Variants in JARID2 observed in about 807,000 individuals in gnomAD.
The protein encoded by JARID2 is protein Jumonji.
In JARID2, 21 loss-of-function variants were observed where a neutral mutation model predicts 125.6. That is an observed-to-expected ratio of 0.17 (90% CI 0.12 to 0.24). The LOEUF (loss-of-function observed/expected upper bound fraction) is 0.24, where lower values mean the gene tolerates loss of function less well. Ranked by LOEUF, JARID2 falls within the 10% of genes least tolerant of loss-of-function variation. The pLI, the probability that JARID2 is intolerant of heterozygous loss-of-function variation, is 1.00. For missense variants in JARID2, 1,303 were observed against 1,639.6 expected (o/e 0.79, Z 3.55); for synonymous variants, 736 against 661.6 (o/e 1.11, Z -1.73).
intron 1 of JARID2, among the ~76,000 whole-genome samples, chr6:15,348,326 G>A (rs541472583): frequency 1.3e-5 from 2 of 152,218 alleles, no homozygotes; most frequent in South Asian, 2.1e-4. Flanking sequence ...TCCTGACCTC[G>A]TGATCAGTCT....
intron 1 of JARID2, among the ~76,000 whole-genome samples, chr6:15,355,796 G>T (rs1385840104): frequency 1.3e-5 from 2 of 152,170 alleles, no homozygotes; most frequent in Non-Finnish European, 2.9e-5. Context: ...ATTTTTAGTA[G>T]AGACGGGTTT....
Position 15,509,668 on chromosome 6 carries a change from G to A in JARID2, c.2846+1214G>A, listed in dbSNP as rs372925099. ...GCCTTTGCCTCCGGAAGAAGAGCGT[G>A]GCCATTTCCTGTGGAGGAGTTACAC... On this transcript the variant is annotated intron_variant, in intron 12 of 17. Coordinates refer to ENST00000341776, the MANE Select transcript of JARID2 (RefSeq NM_004973.4). 7.9e-5 allele frequency among the ~76,000 whole-genome samples: 12 copies of A among 152,346 alleles called. No homozygotes were observed. The East Asian group carries it at 2.3e-3, about 29-fold the overall frequency.
intron 1 of JARID2, among the ~76,000 whole-genome samples, chr6:15,339,290 C>T (rs974167219): frequency 6.6e-5 from 10 of 152,084 alleles, no homozygotes; most frequent in African/African-American, 2.4e-4. Context: ...AGCACACCTC[C>T]CTATCTCCTG....
chr6:15,370,475 C>CT (rs754570004), intron 1 of JARID2, among the ~76,000 whole-genome samples: 2 of 152,004 alleles, frequency 1.3e-5, no homozygotes, highest in South Asian at 4.2e-4. Flanking sequence ...GTAGCTGGTA[C>CT]TACAGGCGCC....
intron 1 of JARID2, among the ~76,000 whole-genome samples, chr6:15,329,879 G>C (rs1762650929): frequency 6.6e-6 from 1 of 152,246 alleles, no homozygotes; most frequent in African/African-American, 2.4e-5. Flanking sequence ...TTGTAGTCCT[G>C]ATGATTTAAA....
At chr6:15,321,948 C>T (rs1243407828) in intron 1 of JARID2, among the ~76,000 whole-genome samples, 1 of 151,756 alleles carries the variant, frequency 6.6e-6, no homozygotes, top group Non-Finnish European at 1.5e-5. Context: ...CCCAGCACTA[C>T]GCCCAGCTAA....
At chr6:15,291,586 G>A (rs1336468355) in intron 1 of JARID2, among the ~76,000 whole-genome samples, 1 of 152,216 alleles carries the variant, frequency 6.6e-6, no homozygotes, top group Non-Finnish European at 1.5e-5. Context: ...GATCCTGCTA[G>A]GCCAGAATCG....
At chr6:15,405,222 A>T (rs1765600384) in intron 2 of JARID2, among the ~76,000 whole-genome samples, 1 of 152,170 alleles carries the variant, frequency 6.6e-6, no homozygotes, top group Non-Finnish European at 1.5e-5. Flanking sequence ...GCTGTTCCAG[A>T]CTCAGAAGCC....
intron 3 of JARID2, among the ~76,000 whole-genome samples, chr6:15,422,708 T>C (rs528480158): frequency 2.6e-5 from 4 of 152,368 alleles, no homozygotes; most frequent in Admixed American, 6.5e-5. Flanking sequence ...CATGGGTGTC[T>C]ACACAATAGA....
At chr6:15,371,327 C>T (rs775938451) in intron 1 of JARID2, among the ~76,000 whole-genome samples, 16 of 152,064 alleles carry the variant, frequency 1.1e-4, no homozygotes, top group Non-Finnish European at 2.1e-4. Flanking sequence ...TATTTTGGGG[C>T]CTTATAATTT....
intron 1 of JARID2, among the ~76,000 whole-genome samples, chr6:15,335,509 C>CTGTTTT (rs1474723385): frequency 6.6e-6 from 1 of 152,192 alleles, no homozygotes; most frequent in Admixed American, 6.5e-5. Flanking sequence ...ACAGGTTTGA[C>CTGTTTT]TGTTTTAGAA....
At chr6:15,518,837 C>T (rs968259255) in intron 17 of JARID2, among the ~76,000 whole-genome samples, 23 of 152,328 alleles carry the variant, frequency 1.5e-4, no homozygotes, top group African/African-American at 5.5e-4. Context: ...GCAAAATCTT[C>T]TCAACCTCCC....
chr6:15,378,061 G>A (rs1179810854), intron 2 of JARID2, among the ~76,000 whole-genome samples: 10 of 149,224 alleles, frequency 6.7e-5, no homozygotes, highest in Admixed American at 2.0e-4. Context: ...ATTTTTTTGT[G>A]TATTTTTAGT....
intron 5 of JARID2, among the ~76,000 whole-genome samples, chr6:15,483,729 T>C (rs1421427091): frequency 6.6e-6 from 1 of 152,240 alleles, no homozygotes; most frequent in East Asian, 1.9e-4. Flanking sequence ...TGCAAGTTTT[T>C]ATGTGGACAT....
intron 5 of JARID2, among the ~76,000 whole-genome samples, chr6:15,473,912 A>G (rs879659401): frequency 9.2e-5 from 14 of 152,296 alleles, no homozygotes; most frequent in South Asian, 8.3e-4. Flanking sequence ...TCCGATTTCA[A>G]ATGACCCGGG....
intron 5 of JARID2, among the ~76,000 whole-genome samples, chr6:15,480,781 G>A (rs1057482148): frequency 1.2e-4 from 19 of 152,214 alleles, no homozygotes; most frequent in Admixed American, 1.2e-3. Context: ...TCAGGGAATT[G>A]AGGCCCAAAC....
intron 1 of JARID2, among the ~76,000 whole-genome samples, chr6:15,313,939 G>A (rs1009976002): frequency 1.3e-5 from 2 of 152,044 alleles, no homozygotes; most frequent in East Asian, 1.9e-4. Flanking sequence ...CCTTCTGCTG[G>A]CCCATGGCTG....
At chr6:15,333,331 C>T (rs576661285) in intron 1 of JARID2, among the ~76,000 whole-genome samples, 1 of 152,292 alleles carries the variant, frequency 6.6e-6, no homozygotes, top group Admixed American at 6.5e-5. Context: ...TTTCATCAAT[C>T]CAAAAGGAAA....
intron 5 of JARID2, among the ~76,000 whole-genome samples, chr6:15,476,863 C>T (rs1341350133): frequency 6.6e-6 from 1 of 152,100 alleles, no homozygotes; most frequent in Non-Finnish European, 1.5e-5. Context: ...TTTTCTTAAG[C>T]TCTCATAATT....
Sources: gnomAD v4.1 joint callset for allele counts (sites outside exome capture counted in the v4.1 genomes callset) on GRCh38, gnomAD v4.1.1 for gene constraint, MANE v1.5 for transcripts, NCBI Gene and HGNC (gene_info 2026-07-23, HGNC 2026-07-21) for gene names.